The following GRID2 variants were observed in gnomAD, a reference collection of about 807,000 sequenced individuals.
The protein encoded by GRID2 is glutamate receptor ionotropic, delta-2.
In GRID2, 33 loss-of-function variants were observed where a neutral mutation model predicts 114.8. The ratio of observed to expected loss-of-function variants is 0.29; its 90% confidence interval spans 0.22 to 0.38. GRID2 has a LOEUF of 0.38. Ranked by LOEUF, GRID2 falls within the 10% of genes least tolerant of loss-of-function variation. GRID2 has a pLI of 1.00. For missense variants in GRID2, 1,184 were observed against 1,257.7 expected, an observed-to-expected ratio of 0.94 and a Z score of 0.89; for synonymous variants, 505 against 449.9, an observed-to-expected ratio of 1.12 and a Z score of -1.55.
rs184536932 is a variant in GRID2, at chr4:93,247,668, A to G, written c.1245+9178A>G. Among the ~76,000 whole-genome samples, 177 of 152,126 alleles carry G rather than the reference A, an allele frequency of 1.2e-3. 3 individuals are homozygous for G. The highest frequency in any genetic ancestry group is 4.2e-3 in the African/African-American group (175 of 41,480). ...CTGGTTCTCTAGTTTCCAGATAGCT[A>G]ATCTTGGAACTTCTTAGCCTCCGTA... is the stretch of plus-strand genomic sequence containing the variant. On this transcript the variant is annotated intron_variant, in intron 8 of 15. Coordinates refer to ENST00000282020, the MANE Select transcript of GRID2 (RefSeq NM_001510.4).
intron 1 of GRID2, among the ~76,000 whole-genome samples, chr4:92,317,738 T>C (rs976899919): frequency 3.3e-4 from 50 of 152,294 alleles, no homozygotes; most frequent in Non-Finnish European, 7.1e-4. Flanking sequence ...TAGAACTTGC[T>C]CTTGGCTGCT....
chr4:92,738,449 A>T (rs1240292289), intron 2 of GRID2, among the ~76,000 whole-genome samples: 1 of 152,116 alleles, frequency 6.6e-6, no homozygotes, highest in Non-Finnish European at 1.5e-5. Context: ...TTGTTTTAAT[A>T]TCTCATCTAT....
intron 8 of GRID2, among the ~76,000 whole-genome samples, chr4:93,250,727 T>A (rs1480552282): frequency 2.0e-5 from 3 of 147,210 alleles, no homozygotes; most frequent in South Asian, 4.2e-4. Flanking sequence ...TACATGTATA[T>A]GTGCATATAT....
chr4:93,688,154 C>G (rs1194161336), intron 14 of GRID2, among the ~76,000 whole-genome samples: 5 of 151,820 alleles, frequency 3.3e-5, no homozygotes, highest in Non-Finnish European at 5.9e-5. Context: ...GGCAGTCTCA[C>G]AAGTTTGATT....
intron 13 of GRID2, among the ~76,000 whole-genome samples, chr4:93,614,630 G>A (rs1025728061): frequency 6.6e-6 from 1 of 152,098 alleles, no homozygotes; most frequent in Non-Finnish European, 1.5e-5. Flanking sequence ...GGGTCAATAA[G>A]TAGTAACTGA....
chr4:93,382,602 G>T (rs1415629066), intron 8 of GRID2, among the ~76,000 whole-genome samples: 1 of 151,522 alleles, frequency 6.6e-6, no homozygotes, highest in Non-Finnish European at 1.5e-5. Flanking sequence ...TCTCTTTATG[G>T]ACGTTTATAA....
At chr4:93,284,314 G>A (rs1752928856) in intron 8 of GRID2, among the ~76,000 whole-genome samples, 1 of 151,934 alleles carries the variant, frequency 6.6e-6, no homozygotes. Context: ...GTCATCACAT[G>A]GACACATAGA....
intron 13 of GRID2, among the ~76,000 whole-genome samples, chr4:93,615,457 T>C (rs1468580416): frequency 6.6e-6 from 1 of 152,170 alleles, no homozygotes; most frequent in Non-Finnish European, 1.5e-5. Flanking sequence ...AGAAAGTCTT[T>C]ATAGTAGCAT....
rs552975654 is a variant in GRID2 at position 93,326,238 on chromosome 4, A to G, written c.1246-69369A>G. Among the ~76,000 whole-genome samples the G allele has an allele frequency of 1.8e-3, 268 of 152,274 alleles. 2 individuals carry two copies. The highest frequency in any genetic ancestry group is 6.0e-3 in the African/African-American group (248 of 41,560). ...AATCAGGGGGCATGCCTAGACTTTC[A>G]AAATCACCCCATCATGGTTACGATA... is the stretch of plus-strand genomic sequence containing the variant. On this transcript the variant is annotated intron_variant, in intron 8 of 15. Coordinates refer to ENST00000282020, the MANE Select transcript of GRID2 (RefSeq NM_001510.4).
rs571003332 is a variant in GRID2, at chr4:93,140,544, A to G, written c.735+29591A>G. Among the ~76,000 whole-genome samples, 82 of 152,218 alleles carry G rather than the reference A, an allele frequency of 5.4e-4. 1 individual carries two copies. The highest frequency in any genetic ancestry group is 1.9e-3 in the African/African-American group (77 of 41,556). The stretch of plus-strand genomic sequence containing the variant: ...AAAATACAACTTCATCTATTCCTCC[A>G]ATGTATACAGTACCCCTTACCTCAC... On this transcript the variant is annotated intron_variant, in intron 4 of 15. Transcript: ENST00000282020.
intron 10 of GRID2, among the ~76,000 whole-genome samples, chr4:93,427,995 T>C (rs745822710): frequency 3.3e-5 from 5 of 151,956 alleles, no homozygotes; most frequent in Non-Finnish European, 7.4e-5. Flanking sequence ...GAACTTTCAA[T>C]AAGAAATAAA....
In GRID2 at chr4:92,872,890, AT is replaced by A. The variant is rs1291912538; in HGVS notation, c.245-212100del. ...AAAGCTGTTTTGAAATAATGCGGTA[AT>A]TTTTGGTAAGTACATGCTCTTACTC... On this transcript the variant is annotated intron_variant, in intron 2 of 15. Transcript: ENST00000282020. Among the ~76,000 whole-genome samples, 7 of 152,346 alleles carry A rather than the reference AT, an allele frequency of 4.6e-5. No individual in the cohort carries two copies. In the East Asian group the frequency reaches 9.7e-4, roughly 21 times the overall value.
chr4:92,891,590 T>C (rs1746788892), intron 2 of GRID2, among the ~76,000 whole-genome samples: 1 of 152,150 alleles, frequency 6.6e-6, no homozygotes, highest in Non-Finnish European at 1.5e-5. Flanking sequence ...TTAGCACATG[T>C]ACTGGGTGAA....
intron 7 of GRID2, among the ~76,000 whole-genome samples, chr4:93,235,767 T>A (rs1340424178): frequency 6.6e-6 from 1 of 151,980 alleles, no homozygotes. Context: ...GTCCCCCAAT[T>A]TATTGTTTTC....
At chr4:92,868,330 C>A (rs1355100307) in intron 2 of GRID2, among the ~76,000 whole-genome samples, 2 of 151,960 alleles carry the variant, frequency 1.3e-5, no homozygotes, top group Non-Finnish European at 2.9e-5. Flanking sequence ...CCGTACCCAC[C>A]CTTTCACACC....
intron 1 of GRID2, among the ~76,000 whole-genome samples, chr4:92,464,932 G>C (rs894935771): frequency 8.5e-5 from 13 of 152,086 alleles, no homozygotes; most frequent in Non-Finnish European, 1.8e-4. Context: ...TCTTGTGACA[G>C]TGAATAAGTT....
chr4:92,833,977 T>C (rs1742288930), intron 2 of GRID2: 1 of 152,224 alleles, frequency 6.6e-6, no homozygotes, highest in Non-Finnish European at 1.5e-5. Context: ...CAGATACCTG[T>C]TGAAATCAGA....
At chr4:93,379,408 C>G (rs1763653406) in intron 8 of GRID2, among the ~76,000 whole-genome samples, 1 of 151,948 alleles carries the variant, frequency 6.6e-6, no homozygotes, top group Non-Finnish European at 1.5e-5. Flanking sequence ...GTAATCACAC[C>G]TAGCTTATGC....
chr4:93,324,629 A>G (rs1399833784), intron 8 of GRID2, among the ~76,000 whole-genome samples: 1 of 151,904 alleles, frequency 6.6e-6, no homozygotes. Flanking sequence ...TCCTCTTTGT[A>G]CCTCTGGTAG....
Sources: allele counts gnomAD v4.1 joint callset (sites outside exome capture counted in the v4.1 genomes callset), GRCh38; gene constraint gnomAD v4.1.1; transcripts MANE v1.5; gene names NCBI Gene and HGNC (gene_info 2026-07-23, HGNC 2026-07-21).